Variants in MYO9B observed in about 807,000 individuals in gnomAD.
MYO9B encodes the protein unconventional myosin-IXb.
MYO9B carries 71 observed loss-of-function variants against 229.5 expected under a neutral mutation model. The observed-to-expected ratio is 0.31, with a 90% CI of 0.26 to 0.38. The LOEUF (loss-of-function observed/expected upper bound fraction) is 0.38. MYO9B is among the 10% of genes least tolerant of loss of function. MYO9B has a pLI of 1.00. For missense variants in MYO9B, 2,255 were observed against 2,920.5 expected (o/e 0.77, Z 5.25); for synonymous variants, 1,185 against 1,235.8 (o/e 0.96, Z 0.86).
In MYO9B at chr19:17,210,322, C is replaced by G. The variant is rs1339484771; in HGVS notation, c.5749-11C>G. ...GCCCGTGTGGTCACCCTGTGTTCATCTCTCTCCCAGCCATGGCCTCTCAAA... is the reference window on the plus strand; with the variant it reads ...GCCCGTGTGGTCACCCTGTGTTCATGTCTCTCCCAGCCATGGCCTCTCAAA... On this transcript the variant is annotated splice_polypyrimidine_tract_variant and intron_variant, in intron 36 of 39. Transcript: ENST00000682292. 6.3e-7 allele frequency: 1 copy of G among 1,592,434 alleles called. No homozygotes were observed. The highest frequency in any genetic ancestry group is 1.8e-5 in the Admixed American group (1 of 56,874).
intron 1 of MYO9B, among the ~76,000 whole-genome samples, chr19:17,098,862 G>A (rs2145010756): frequency 6.6e-6 from 1 of 151,628 alleles, no homozygotes; most frequent in East Asian, 1.9e-4. Context: ...ATGAGCCCAG[G>A]GAGATCAAGT....
At chr19:17,204,875 G>A (rs1043968769) in intron 30 of MYO9B, among the ~76,000 whole-genome samples, 2 of 152,160 alleles carry the variant, frequency 1.3e-5, no homozygotes, top group Non-Finnish European at 2.9e-5. Context: ...ATCCAGGCCA[G>A]GTGCAGTGGC....
chr19:17,160,157 G>A (rs553101373), intron 8 of MYO9B, among the ~76,000 whole-genome samples: 1 of 152,154 alleles, frequency 6.6e-6, no homozygotes, highest in South Asian at 2.1e-4. Context: ...ACCTAATCAC[G>A]GCAGGGATTT....
At chr19:17,191,482 C>T (rs924112441) in intron 20 of MYO9B, among the ~76,000 whole-genome samples, 1 of 152,184 alleles carries the variant, frequency 6.6e-6, no homozygotes, top group Non-Finnish European at 1.5e-5. Context: ...AAGGGACGAT[C>T]GTGCTAACTG....
At chr19:17,126,685 G>A (rs1486220453) in intron 2 of MYO9B, among the ~76,000 whole-genome samples, 1 of 140,650 alleles carries the variant, frequency 7.1e-6, no homozygotes, top group Admixed American at 7.3e-5. Context: ...TTTTTTTTGA[G>A]ACGGAGTCTC....
intron 13 of MYO9B, 123 bp from the exon 14 acceptor site, chr19:17,175,540 C>A: frequency 2.8e-6 from 2 of 719,684 alleles, no homozygotes; most frequent in Non-Finnish European, 4.3e-6. Context: ...GATCGCGCCA[C>A]TGTGCTCCAG....
At chr19:17,198,545 G>T (rs1040289616) in intron 24 of MYO9B, among the ~76,000 whole-genome samples, 1 of 152,028 alleles carries the variant, frequency 6.6e-6, no homozygotes, top group Non-Finnish European at 1.5e-5. Flanking sequence ...GACCAACCAG[G>T]CCAACATGGT....
intron 22 of MYO9B, among the ~76,000 whole-genome samples, chr19:17,197,406 T>TGATAGATAGATAGATAGATA (rs11455979): frequency 3.1e-5 from 4 of 128,776 alleles, no homozygotes; most frequent in Non-Finnish European, 3.2e-5. Flanking sequence ...GATAGATAGA[T>TGATAGATAGATAGATAGATA]GATAGATAGA....
In MYO9B at chr19:17,149,120, G is replaced by A. The variant is rs374114481; in HGVS notation, c.936-3524G>A. Reference sequence around the variant, plus strand: ...CTCCTGAGTAGCTGGGACTACAGGTGCACACCCCCACACCTGGCTAATTTT... The same window carrying A: ...CTCCTGAGTAGCTGGGACTACAGGTACACACCCCCACACCTGGCTAATTTT... On this transcript the variant is annotated intron_variant, in intron 3 of 39. Coordinates refer to ENST00000682292, the MANE Select transcript of MYO9B (RefSeq NM_004145.4). Among the ~76,000 whole-genome samples the A allele has an allele frequency of 6.0e-4, 91 of 152,060 alleles. No individual in the cohort carries two copies. The East Asian group carries it at 0.015, about 25-fold the overall frequency.
intron 1 of MYO9B, among the ~76,000 whole-genome samples, chr19:17,080,602 A>G (rs1305732404): frequency 6.6e-6 from 1 of 152,158 alleles, no homozygotes; most frequent in East Asian, 1.9e-4. Context: ...GCTTGGTGGC[A>G]CACGCCTGTA....
At chr19:17,190,982 A>C in intron 19 of MYO9B, 115 bp from the exon 20 acceptor site, 1 of 1,135,808 alleles carries the variant, frequency 8.8e-7, no homozygotes, top group African/African-American at 1.6e-5. Context: ...TAGATTTGTC[A>C]TTACCATTCC....
At chr19:17,114,735 G>A (rs2057883953) in intron 2 of MYO9B, among the ~76,000 whole-genome samples, 1 of 151,970 alleles carries the variant, frequency 6.6e-6, no homozygotes, top group Non-Finnish European at 1.5e-5. Flanking sequence ...CTGTCCTCCT[G>A]GGGTGACTTC....
intron 6 of MYO9B, 46 bp downstream of exon 6, chr19:17,154,461 G>T: frequency 6.9e-7 from 1 of 1,446,978 alleles, no homozygotes; most frequent in Non-Finnish European, 9.6e-7. Flanking sequence ...GCCTACAGGG[G>T]GCACGCATGG....
At chr19:17,125,303 C>CA (rs1022986995) in intron 2 of MYO9B, among the ~76,000 whole-genome samples, 3 of 137,692 alleles carry the variant, frequency 2.2e-5, no homozygotes, top group South Asian at 2.3e-4. Context: ...CCCATCCCCC[C>CA]CCCCCCAAAA....
At chr19:17,207,609 C>T (rs2073176964) in intron 35 of MYO9B, 1 of 152,400 alleles carries the variant, frequency 6.6e-6, no homozygotes, top group Non-Finnish European at 1.5e-5. Context: ...GGCGTGGTGG[C>T]TCACACCTGT....
Position 17,212,623 on chromosome 19 carries a change from C to G in MYO9B, c.*313C>G, listed in dbSNP as rs1357069612. On this transcript the variant is annotated 3_prime_UTR_variant, in exon 40 of 40. Coordinates refer to ENST00000682292, the MANE Select transcript of MYO9B (RefSeq NM_004145.4). The surrounding 1 kb of genome is among the most constrained non-coding windows in gnomAD (Gnocchi z 5.4). ...GTTTCTTTGTACGTGGTTTACGTAA[C>G]TTTAAACTGTAACAGCCTTAATGGA... is the stretch of plus-strand genomic sequence containing the variant. 1 of 374,834 alleles carries G rather than the reference C, an allele frequency of 2.7e-6. No individual in the cohort carries two copies. The highest frequency in any genetic ancestry group is 2.1e-5 in the African/African-American group (1 of 47,826). 23.2% of individuals were successfully genotyped at this position (374,834 alleles called of 1,614,324 possible).
Position 17,200,372 on chromosome 19 carries a change from G to A in MYO9B, c.4318G>A (p.Ala1440Thr). 1 of 1,606,598 alleles carries A rather than the reference G, an allele frequency of 6.2e-7. No individual in the cohort carries two copies. Among genetic ancestry groups the A allele is most frequent in the East Asian group, 2.2e-5 (1 of 44,718 alleles). ...SLEGAEELENAVSGHVVLEAT... is the reference protein window; with the variant it reads ...SLEGAEELENTVSGHVVLEAT... ...GGAGGGCGCAGAGGAGCTGGAGAATGCAGTGTCCGGGCACGTGGTGCTGGA... is the reference window on the plus strand; with the variant it reads ...GGAGGGCGCAGAGGAGCTGGAGAATACAGTGTCCGGGCACGTGGTGCTGGA... The change falls in exon 25 of 40, where the codon GCA becomes ACA. Residue 1440 changes from alanine to threonine, a missense_variant. This residue lies in a region of MYO9B where 679 missense variants were observed against 770.2 expected (regional missense o/e 0.88). Transcript: ENST00000682292.
At chr19:17,168,523 G>A (rs1267123172) in intron 11 of MYO9B, among the ~76,000 whole-genome samples, 2 of 152,224 alleles carry the variant, frequency 1.3e-5, no homozygotes, top group African/African-American at 2.4e-5. Context: ...AAGCTCGTGT[G>A]TGCAAAATGC....
intron 1 of MYO9B, among the ~76,000 whole-genome samples, chr19:17,079,939 G>A (rs938574154): frequency 6.6e-6 from 1 of 152,194 alleles, no homozygotes; most frequent in African/African-American, 2.4e-5. Context: ...CACCGCCGCA[G>A]CCCAGAGCCC....
Sources: gnomAD v4.1 joint callset for allele counts (sites outside exome capture counted in the v4.1 genomes callset) on GRCh38, gnomAD v4.1.1 for gene constraint, gnomAD v4.1.1 regional missense constraint, Gnocchi (gnomAD v3.1) non-coding constraint, MANE v1.5 for transcripts, NCBI Gene and HGNC (gene_info 2026-07-23, HGNC 2026-07-21) for gene names.